The following TENM3 variants were observed in gnomAD, a reference collection of about 807,000 sequenced individuals.
TENM3 encodes teneurin transmembrane protein 3.
TENM3 carries 63 observed loss-of-function variants against 255.1 expected under a neutral mutation model. The ratio of observed to expected loss-of-function variants is 0.25; its 90% CI spans 0.20 to 0.30. The LOEUF is 0.30. Among genes scored for constraint, TENM3 ranks in the 10% least tolerant of loss-of-function variants. TENM3 has a pLI of 1.00. For synonymous variants in TENM3, 1,306 were observed against 1,322.3 expected, an observed-to-expected ratio of 0.99 and a Z score of 0.27; for missense variants, 2,929 against 3,461.1, an observed-to-expected ratio of 0.85 and a Z score of 3.86.
intron 1 of TENM3, among the ~76,000 whole-genome samples, chr4:182,322,685 A>C (rs1462471272): frequency 6.6e-6 from 1 of 152,150 alleles, no homozygotes; most frequent in Non-Finnish European, 1.5e-5. Flanking sequence ...TGCTCGAGAG[A>C]GTGGGGGAGA....
chr4:181,626,301 G>T, the TENM3 span, among the ~76,000 whole-genome samples: 1 of 152,200 alleles, frequency 6.6e-6, no homozygotes, highest in Non-Finnish European at 1.5e-5. Flanking sequence ...CCAGATGGGA[G>T]GGACAGGAGC....
the TENM3 span, among the ~76,000 whole-genome samples, chr4:181,534,235 CA>C: frequency 0.23 from 25,978 of 112,276 alleles, 2,618 homozygotes; most frequent in Non-Finnish European, 0.32. Flanking sequence ...GACTCCACCT[CA>C]AAAAAAAAAA....
At chr4:182,252,876 C>T (rs1368900290) in intron 1 of TENM3, among the ~76,000 whole-genome samples, 1 of 152,078 alleles carries the variant, frequency 6.6e-6, no homozygotes, top group South Asian at 2.1e-4. Context: ...GCTCTTAGTT[C>T]GGCAGACAAA....
chr4:181,734,247 A>G, the TENM3 span, among the ~76,000 whole-genome samples: 2 of 151,746 alleles, frequency 1.3e-5, no homozygotes, highest in Non-Finnish European at 2.9e-5. Context: ...CTTAGGTAAC[A>G]CCTATATATA....
the TENM3 span, among the ~76,000 whole-genome samples, chr4:181,586,421 A>G: frequency 6.6e-6 from 1 of 152,232 alleles, no homozygotes; most frequent in Non-Finnish European, 1.5e-5. Flanking sequence ...ACTCAACTAG[A>G]CAATGAGTCC....
At chr4:182,527,261 T>C (rs983381594) in intron 3 of TENM3, among the ~76,000 whole-genome samples, 7 of 152,206 alleles carry the variant, frequency 4.6e-5, no homozygotes, top group African/African-American at 1.7e-4. Flanking sequence ...GTTTTTTAAC[T>C]TTCTGAAATT....
At chr4:181,797,244 T>G in the TENM3 span, among the ~76,000 whole-genome samples, 1 of 151,910 alleles carries the variant, frequency 6.6e-6, no homozygotes, top group African/African-American at 2.4e-5. Context: ...TAACGTGACC[T>G]CTTACTGCTC....
the TENM3 span, among the ~76,000 whole-genome samples, chr4:181,564,375 G>T: frequency 1.3e-5 from 2 of 152,122 alleles, no homozygotes; most frequent in Non-Finnish European, 2.9e-5. Flanking sequence ...AAGGAATGAG[G>T]ATAATGAGGC....
the TENM3 span, among the ~76,000 whole-genome samples, chr4:181,973,940 T>C: frequency 6.6e-6 from 1 of 151,978 alleles, no homozygotes; most frequent in Non-Finnish European, 1.5e-5. Flanking sequence ...CCATGTCAAA[T>C]AAAGGGGACA....
chr4:181,818,034 C>T, the TENM3 span, among the ~76,000 whole-genome samples: 20 of 152,090 alleles, frequency 1.3e-4, no homozygotes, highest in African/African-American at 4.6e-4. Context: ...TTCATTAGTT[C>T]AAATCATTTT....
chr4:182,761,476 T>C (rs981255726), intron 22 of TENM3, among the ~76,000 whole-genome samples: 1 of 151,968 alleles, frequency 6.6e-6, no homozygotes, highest in Non-Finnish European at 1.5e-5. Context: ...TGAGAGGATA[T>C]CCTTTCCTTT....
In TENM3 at chr4:182,210,618, G is replaced by GT. The variant is rs58035061; in HGVS notation, c.-76+65881dup. Among the ~76,000 whole-genome samples the GT allele has an allele frequency of 5.1e-3, 678 of 132,260 alleles. 14 individuals are homozygous for GT. The South Asian group carries it at 0.065, about 13-fold the overall frequency. 86.8% of individuals were successfully genotyped at this position (132,260 alleles called of 152,430 possible). A position where few individuals can be genotyped will look rare whatever the true frequency, so the allele number is the denominator to read the frequency against. On this transcript the variant is annotated intron_variant, in intron 1 of 2. Coordinates refer to the TENM3 transcript ENST00000512480. The stretch of plus-strand genomic sequence containing the variant: ...GCTGCCTCCATTTTCCCCCTCTCTA[G>GT]TTTTTTTTTTTTTTTTTGTATCATT...
chr4:181,463,819 C>A, the TENM3 span, among the ~76,000 whole-genome samples: 1 of 152,112 alleles, frequency 6.6e-6, no homozygotes, highest in Non-Finnish European at 1.5e-5. Flanking sequence ...ATTTTCCCCT[C>A]CCCCAGTCTC....
chr4:181,990,788 T>C, the TENM3 span, among the ~76,000 whole-genome samples: 1 of 152,042 alleles, frequency 6.6e-6, no homozygotes. Flanking sequence ...AACACTAATA[T>C]TAAACCCCGG....
At chr4:182,510,026 A>G (rs1267365567) in intron 3 of TENM3, among the ~76,000 whole-genome samples, 2 of 152,120 alleles carry the variant, frequency 1.3e-5, no homozygotes, top group Non-Finnish European at 2.9e-5. Context: ...GAACCAGAAG[A>G]TAGACATTTG....
chr4:182,292,433 A>T (rs140656820), intron 1 of TENM3, among the ~76,000 whole-genome samples: 34 of 152,304 alleles, frequency 2.2e-4, no homozygotes, highest in African/African-American at 7.9e-4. Flanking sequence ...CTAGCCAAGG[A>T]GTGGAGATGT....
chr4:182,135,501 G>A, the TENM3 span, among the ~76,000 whole-genome samples: 5 of 152,170 alleles, frequency 3.3e-5, no homozygotes, highest in Non-Finnish European at 7.3e-5. Context: ...AGAAAAATCA[G>A]CTATGAGTTG....
chr4:181,673,187 T>C, the TENM3 span, among the ~76,000 whole-genome samples: 1 of 152,248 alleles, frequency 6.6e-6, no homozygotes, highest in African/African-American at 2.4e-5. Context: ...CGTATACCTA[T>C]TATTGTGTTG....
chr4:181,782,795 T>C, the TENM3 span, among the ~76,000 whole-genome samples: 1 of 152,224 alleles, frequency 6.6e-6, no homozygotes, highest in South Asian at 2.1e-4. Context: ...GCTTTAAATG[T>C]GTCTCAGAGA....
Sources: gnomAD v4.1 joint callset for allele counts (sites outside exome capture counted in the v4.1 genomes callset) on GRCh38, gnomAD v4.1.1 for gene constraint, MANE v1.5 for transcripts, NCBI Gene and HGNC (gene_info 2026-07-23, HGNC 2026-07-21) for gene names.